The following STXBP5L variants were observed in gnomAD, a reference collection of about 807,000 sequenced individuals.
STXBP5L encodes the protein syntaxin-binding protein 5-like.
STXBP5L carries 65 observed loss-of-function variants against 144.5 expected under a neutral mutation model. That is an observed-to-expected ratio of 0.45 (90% CI 0.37 to 0.55). The LOEUF (loss-of-function observed/expected upper bound fraction) is 0.55, where lower values mean the gene tolerates loss of function less well. Among genes scored for constraint, STXBP5L ranks in the 20% least tolerant of loss-of-function variants. The probability of loss-of-function intolerance (pLI) is 0.00; values close to 1 mark genes in which losing one functional copy is unlikely to be tolerated. For missense variants in STXBP5L, 1,298 were observed against 1,405.5 expected, an observed-to-expected ratio of 0.92 and a Z score of 1.22; for synonymous variants, 505 against 469.6, an observed-to-expected ratio of 1.08 and a Z score of -0.97.
rs553610228 is a variant in STXBP5L at position 121,240,541 on chromosome 3, T to A, written c.1400+34T>A. On this transcript the variant is annotated intron_variant, in intron 14 of 26. Coordinates refer to ENST00000471454, the MANE Select transcript of STXBP5L (RefSeq NM_001308330.2). ...ATGTGTTTTGTGAGTTATTAGTTCA[T>A]CAACAAAAAGATGTTTACTGAGTCT... is the stretch of plus-strand genomic sequence containing the variant. 6.4e-5 allele frequency: 102 copies of A among 1,592,296 alleles called. 1 individual carries two copies. In the South Asian group the frequency reaches 6.9e-4, roughly 11 times the overall value.
chr3:120,954,443 T>C (rs554395590), intron 2 of STXBP5L, among the ~76,000 whole-genome samples: 117 of 151,970 alleles, frequency 7.7e-4, no homozygotes, highest in Non-Finnish European at 1.4e-3. Flanking sequence ...CTTAGCATAG[T>C]TTTTTTTGAG....
At chr3:121,342,175 C>T (rs1003678203) in intron 20 of STXBP5L, among the ~76,000 whole-genome samples, 1 of 151,978 alleles carries the variant, frequency 6.6e-6, no homozygotes, top group African/African-American at 2.4e-5. Flanking sequence ...GACAAGTGAA[C>T]CTGCACAGTT....
At chr3:121,409,449 T>C (rs2047068653) in intron 23 of STXBP5L, among the ~76,000 whole-genome samples, 1 of 151,840 alleles carries the variant, frequency 6.6e-6, no homozygotes, top group Non-Finnish European at 1.5e-5. Context: ...TTAATGATCT[T>C]TGAGAAAGCA....
intron 9 of STXBP5L, among the ~76,000 whole-genome samples, chr3:121,200,039 AAT>A (rs1343757683): frequency 6.6e-6 from 1 of 152,042 alleles, no homozygotes; most frequent in Non-Finnish European, 1.5e-5. Context: ...TTTTGTTTGG[AAT>A]AGTTTCAGAA....
chr3:120,908,974 G>C (rs1488338171), intron 1 of STXBP5L: 1 of 152,244 alleles, frequency 6.6e-6, no homozygotes, highest in East Asian at 1.9e-4. Context: ...ATGTTTTGGG[G>C]TCCGGGCTGC....
intron 10 of STXBP5L, among the ~76,000 whole-genome samples, chr3:121,208,805 A>G (rs1204318776): frequency 6.6e-6 from 1 of 152,054 alleles, no homozygotes; most frequent in Non-Finnish European, 1.5e-5. Context: ...TTTGGAATAC[A>G]TGTGTAAAAA....
intron 5 of STXBP5L, among the ~76,000 whole-genome samples, chr3:121,101,459 A>T (rs965914221): frequency 2.6e-5 from 4 of 151,830 alleles, no homozygotes; most frequent in African/African-American, 9.7e-5. Context: ...AATAAATCAC[A>T]ACATAAAAAG....
At chr3:121,173,161 A>G (rs1184815209) in intron 9 of STXBP5L, among the ~76,000 whole-genome samples, 6 of 151,956 alleles carry the variant, frequency 3.9e-5, no homozygotes, top group Non-Finnish European at 5.9e-5. Flanking sequence ...GGGGAACATC[A>G]CACAATGGGG....
At chr3:120,973,877 C>A (rs916820181) in intron 3 of STXBP5L, among the ~76,000 whole-genome samples, 4 of 151,964 alleles carry the variant, frequency 2.6e-5, no homozygotes, top group Non-Finnish European at 4.4e-5. Flanking sequence ...TGAACTCATC[C>A]TTTTTATGGC....
intron 11 of STXBP5L, among the ~76,000 whole-genome samples, chr3:121,228,739 A>G (rs2049203185): frequency 6.6e-6 from 1 of 151,926 alleles, no homozygotes; most frequent in South Asian, 2.1e-4. Flanking sequence ...CAGCTGGGTG[A>G]GGTGGCACAC....
At chr3:120,949,066 A>T (rs937835258) in intron 2 of STXBP5L, among the ~76,000 whole-genome samples, 3 of 151,872 alleles carry the variant, frequency 2.0e-5, no homozygotes, top group Non-Finnish European at 2.9e-5. Context: ...CCACGCCAAC[A>T]TCTATTATTT....
intron 19 of STXBP5L, among the ~76,000 whole-genome samples, chr3:121,289,632 G>A (rs2051354268): frequency 6.6e-6 from 1 of 151,984 alleles, no homozygotes; most frequent in East Asian, 1.9e-4. Context: ...ACATTAACCA[G>A]GATAGACCAT....
chr3:121,155,724 T>C (rs1245101505), intron 8 of STXBP5L, among the ~76,000 whole-genome samples: 3 of 151,850 alleles, frequency 2.0e-5, no homozygotes, highest in Non-Finnish European at 4.4e-5. Context: ...TACTCAGTAA[T>C]GCACTATATG....
chr3:121,240,553 T>C lies in STXBP5L; in HGVS notation c.1400+46T>C, dbSNP rs199925331. ...AGTTATTAGTTCATCAACAAAAAGA[T>C]GTTTACTGAGTCTTGATACTTTTCC... is the stretch of plus-strand genomic sequence containing the variant. On this transcript the variant is annotated intron_variant, in intron 14 of 26. Coordinates refer to ENST00000471454, the MANE Select transcript of STXBP5L (RefSeq NM_001308330.2). The C allele has an allele frequency of 8.9e-4, 1,380 of 1,551,288 alleles. 1 individual carries two copies. Among genetic ancestry groups the C allele is most frequent in the Non-Finnish European group, 1.1e-3 (1,278 of 1,124,692 alleles).
chr3:121,209,424 T>A (rs994807077), intron 10 of STXBP5L, among the ~76,000 whole-genome samples: 2 of 152,080 alleles, frequency 1.3e-5, no homozygotes, highest in African/African-American at 4.8e-5. Context: ...TATGTTTTTT[T>A]ATTTTTTATT....
intron 3 of STXBP5L, among the ~76,000 whole-genome samples, chr3:121,034,773 T>G (rs1226738285): frequency 8.5e-5 from 13 of 152,138 alleles, no homozygotes. Flanking sequence ...AGTAGTTATA[T>G]TTTTAGTTCT....
chr3:121,058,353 A>G (rs956599005), intron 5 of STXBP5L, among the ~76,000 whole-genome samples: 4 of 152,180 alleles, frequency 2.6e-5, no homozygotes, highest in South Asian at 2.1e-4. Flanking sequence ...CATGTGCCAC[A>G]TTTACTTTAT....
chr3:120,937,475 C>G (rs745866616), intron 2 of STXBP5L, among the ~76,000 whole-genome samples: 7 of 152,252 alleles, frequency 4.6e-5, no homozygotes, highest in Middle Eastern at 3.4e-3. Context: ...CACTGTAGCT[C>G]GAACCCTGTT....
chr3:120,999,922 T>A (rs1373942137), intron 3 of STXBP5L, among the ~76,000 whole-genome samples: 2 of 152,224 alleles, frequency 1.3e-5, no homozygotes, highest in Non-Finnish European at 1.5e-5. Context: ...TCTTTAATGA[T>A]GTTGAATATA....
Sources: gnomAD v4.1 joint callset for allele counts (sites outside exome capture counted in the v4.1 genomes callset) on GRCh38, gnomAD v4.1.1 for gene constraint, MANE v1.5 for transcripts, NCBI Gene and HGNC (gene_info 2026-07-23, HGNC 2026-07-21) for gene names.